Variants in ENOX1 observed in about 807,000 individuals in gnomAD.
ENOX1 encodes ecto-NOX disulfide-thiol exchanger 1, also known as candidate growth-related and time keeping constitutive hydroquinone (NADH) oxidase.
In ENOX1, 42 loss-of-function variants were observed where a neutral mutation model predicts 82.5. The observed-to-expected ratio is 0.51, with a 90% confidence interval of 0.40 to 0.66. The LOEUF (loss-of-function observed/expected upper bound fraction) is 0.66. Among genes scored for constraint, ENOX1 ranks in the 30% least tolerant of loss-of-function variants. The pLI is 0.00. For missense variants in ENOX1, 608 were observed against 811.6 expected (o/e 0.75, Z 3.05); for synonymous variants, 271 against 282.2 (o/e 0.96, Z 0.40).
Position 43,593,144 on chromosome 13 carries a change from T to C in ENOX1, c.-219+74335A>G, listed in dbSNP as rs116338393. ...TAGAGAAGACCAGCAGCCTAGAGTC[T>C]GACAAAGATTGTTGTCTGGAGTGAC... On this transcript the variant is annotated intron_variant, in intron 2 of 16. Coordinates refer to ENST00000690772, the MANE Select transcript of ENOX1 (RefSeq NM_001347969.2). Among the ~76,000 whole-genome samples, 652 of 152,312 alleles carry C rather than the reference T, an allele frequency of 4.3e-3. 4 individuals are homozygous for C. Among genetic ancestry groups the C allele is most frequent in the African/African-American group, 0.015 (625 of 41,576 alleles).
At chr13:43,359,296 C>CAG (rs1444820646) in intron 7 of ENOX1, among the ~76,000 whole-genome samples, 3 of 152,178 alleles carry the variant, frequency 2.0e-5, no homozygotes, top group African/African-American at 7.2e-5. Flanking sequence ...CCAATACCCA[C>CAG]AGATGGGAAG....
intron 3 of ENOX1, among the ~76,000 whole-genome samples, chr13:43,460,099 T>C (rs1240543582): frequency 2.0e-5 from 3 of 152,168 alleles, no homozygotes; most frequent in Non-Finnish European, 4.4e-5. Context: ...TATTTACAAG[T>C]TTGGGATTTT....
intron 3 of ENOX1, among the ~76,000 whole-genome samples, chr13:43,467,983 G>T (rs2057810708): frequency 6.7e-6 from 1 of 149,576 alleles, no homozygotes; most frequent in Non-Finnish European, 1.5e-5. Flanking sequence ...ACAGATATAA[G>T]GTTTATTCAT....
intron 1 of ENOX1, among the ~76,000 whole-genome samples, chr13:43,669,619 C>T (rs553285007): frequency 6.6e-5 from 10 of 152,192 alleles, no homozygotes; most frequent in Middle Eastern, 3.4e-3. Context: ...TCTTCACTAA[C>T]GTCCCCACAT....
chr13:43,285,266 G>T (rs2045628678), intron 12 of ENOX1, among the ~76,000 whole-genome samples: 1 of 151,996 alleles, frequency 6.6e-6, no homozygotes, highest in South Asian at 2.1e-4. Flanking sequence ...CTGTTCTATT[G>T]GCCAGTATTT....
intron 14 of ENOX1, among the ~76,000 whole-genome samples, chr13:43,238,743 G>C (rs1488723471): frequency 6.6e-6 from 1 of 152,100 alleles, no homozygotes; most frequent in Non-Finnish European, 1.5e-5. Context: ...CTCCAAGAGA[G>C]GGTGATCTGT....
intron 12 of ENOX1, among the ~76,000 whole-genome samples, chr13:43,271,415 T>A (rs1345839332): frequency 6.6e-6 from 1 of 152,172 alleles, no homozygotes. Flanking sequence ...GGAAAGGATC[T>A]AGATGCTGTC....
intron 10 of ENOX1, among the ~76,000 whole-genome samples, chr13:43,325,055 T>C (rs1451935155): frequency 6.6e-6 from 1 of 152,208 alleles, no homozygotes; most frequent in Non-Finnish European, 1.5e-5. Context: ...TGGACTCCAA[T>C]TTGTGTTTTC....
At chr13:43,306,646 TC>T (rs1204082806) in intron 11 of ENOX1, among the ~76,000 whole-genome samples, 6 of 152,110 alleles carry the variant, frequency 3.9e-5, no homozygotes, top group Admixed American at 2.0e-4. Context: ...CAGCAATCCT[TC>T]CCTCCAAAAC....
intron 5 of ENOX1, among the ~76,000 whole-genome samples, chr13:43,404,631 G>C (rs2053680815): frequency 6.6e-6 from 1 of 152,162 alleles, no homozygotes; most frequent in African/African-American, 2.4e-5. Context: ...ATAATTATTT[G>C]ATAACATCTT....
chr13:43,441,732 G>A (rs1162287724), intron 3 of ENOX1, among the ~76,000 whole-genome samples: 8 of 152,110 alleles, frequency 5.3e-5, no homozygotes, highest in Non-Finnish European at 8.8e-5. Context: ...AGCTACACCC[G>A]CTCTGTATGT....
At chr13:43,725,379 C>T (rs1331950402) in intron 1 of ENOX1, among the ~76,000 whole-genome samples, 1 of 151,818 alleles carries the variant, frequency 6.6e-6, no homozygotes, top group South Asian at 2.1e-4. Context: ...ATAATCGTAG[C>T]CAAGCTGAAG....
chr13:43,663,303 T>C (rs1443028600), intron 2 of ENOX1, among the ~76,000 whole-genome samples: 1 of 152,162 alleles, frequency 6.6e-6, no homozygotes, highest in Non-Finnish European at 1.5e-5. Flanking sequence ...TCTGCCTTCC[T>C]ATAGAGTCTC....
At chr13:43,492,986 C>A (rs567617359) in intron 2 of ENOX1, among the ~76,000 whole-genome samples, 9 of 152,148 alleles carry the variant, frequency 5.9e-5, no homozygotes, top group Non-Finnish European at 1.2e-4. Flanking sequence ...AGACTGAGGT[C>A]CCCCAAGAAA....
At chr13:43,540,826 C>T (rs1297024088) in intron 2 of ENOX1, among the ~76,000 whole-genome samples, 1 of 151,950 alleles carries the variant, frequency 6.6e-6, no homozygotes, top group Non-Finnish European at 1.5e-5. Context: ...TTCTAAAGGA[C>T]CCCCCCTCAA....
chr13:43,505,175 C>T (rs574861575), intron 2 of ENOX1, among the ~76,000 whole-genome samples: 9 of 151,824 alleles, frequency 5.9e-5, no homozygotes, highest in East Asian at 1.9e-4. Flanking sequence ...ACATGGTAAT[C>T]GGATCACATC....
At position 43,435,496 on chromosome 13, in the gene ENOX1, T is replaced by C. The variant is rs376938728; in HGVS notation, c.-74-22508A>G. Among the ~76,000 whole-genome samples the C allele has an allele frequency of 3.9e-5, 6 of 152,210 alleles. No homozygotes were observed. The East Asian group carries it at 1.2e-3, about 29-fold the overall frequency. ...CAGTTACTGACCACGGCACCAAGCT[T>C]CAGATTCTGTTTAATACTGTCCTTT... On this transcript the variant is annotated intron_variant, in intron 3 of 16. Coordinates refer to ENST00000690772, the MANE Select transcript of ENOX1 (RefSeq NM_001347969.2).
intron 2 of ENOX1, among the ~76,000 whole-genome samples, chr13:43,662,535 T>A (rs1159433931): frequency 6.6e-6 from 1 of 152,172 alleles, no homozygotes; most frequent in African/African-American, 2.4e-5. Context: ...TTTCTGTACA[T>A]ATTTCTGACT....
At chr13:43,412,394 G>T (rs1052676505) in intron 4 of ENOX1, among the ~76,000 whole-genome samples, 1 of 152,152 alleles carries the variant, frequency 6.6e-6, no homozygotes, top group African/African-American at 2.4e-5. Flanking sequence ...TACTCTCTTG[G>T]TAAAACAAGT....
Sources: allele counts gnomAD v4.1 joint callset (sites outside exome capture counted in the v4.1 genomes callset), GRCh38; gene constraint gnomAD v4.1.1; transcripts MANE v1.5; gene names NCBI Gene and HGNC (gene_info 2026-07-23, HGNC 2026-07-21).